Variants in MECOM observed in about 807,000 individuals in gnomAD.
The protein encoded by MECOM is MDS1 and EVI1 complex locus, also known as histone-lysine N-methyltransferase MECOM.
A neutral mutation model predicts 116.3 loss-of-function variants in MECOM; 13 were observed. The observed-to-expected ratio is 0.11, with a 90% CI of 0.07 to 0.18. MECOM has a LOEUF of 0.18. Ranked by LOEUF, MECOM falls within the 10% of genes least tolerant of loss-of-function variation. The pLI is 1.00. For missense variants in MECOM, 1,299 were observed against 1,509.0 expected (o/e 0.86, Z 2.31); for synonymous variants, 528 against 535.2 (o/e 0.99, Z 0.19).
At chr3:169,596,399 A>T (rs1767146643) in intron 1 of MECOM, among the ~76,000 whole-genome samples, 1 of 152,230 alleles carries the variant, frequency 6.6e-6, no homozygotes, top group South Asian at 2.1e-4. Context: ...GAGGGCTGAA[A>T]GTACATTATT....
intron 2 of MECOM, among the ~76,000 whole-genome samples, chr3:169,195,211 T>C (rs187451029): frequency 6.6e-6 from 1 of 152,204 alleles, no homozygotes; most frequent in East Asian, 1.9e-4. Context: ...TGTTCCATTA[T>C]AATTAAACAA....
intron 1 of MECOM, among the ~76,000 whole-genome samples, chr3:169,470,472 G>A (rs1156259120): frequency 6.6e-6 from 1 of 152,190 alleles, no homozygotes; most frequent in Non-Finnish European, 1.5e-5. Flanking sequence ...TCCTTTAGGA[G>A]CCCTGTCCTT....
At chr3:169,203,473 A>G (rs1749474834) in intron 2 of MECOM, among the ~76,000 whole-genome samples, 1 of 152,180 alleles carries the variant, frequency 6.6e-6, no homozygotes, top group African/African-American at 2.4e-5. Context: ...TATTGATCCA[A>G]TTAATTTACT....
At chr3:169,092,452 T>C (rs1720038082) in intron 14 of MECOM, among the ~76,000 whole-genome samples, 1 of 151,938 alleles carries the variant, frequency 6.6e-6, no homozygotes, top group Admixed American at 6.6e-5. Flanking sequence ...ATATATGTAT[T>C]TATGTATAAT....
intron 2 of MECOM, among the ~76,000 whole-genome samples, chr3:169,170,538 CT>C (rs763789825): frequency 5.9e-5 from 9 of 151,886 alleles, no homozygotes; most frequent in Non-Finnish European, 1.3e-4. Context: ...TGTATATACA[CT>C]TTCGTGGATG....
At chr3:169,509,975 A>G (rs551222869) in intron 1 of MECOM, among the ~76,000 whole-genome samples, 1 of 152,376 alleles carries the variant, frequency 6.6e-6, no homozygotes, top group African/African-American at 2.4e-5. Flanking sequence ...GCTCAAACAA[A>G]TGTCCTCTGA....
At chr3:169,119,874 G>A (rs775343258) in intron 7 of MECOM, among the ~76,000 whole-genome samples, 22 of 151,980 alleles carry the variant, frequency 1.4e-4, no homozygotes, top group Non-Finnish European at 2.5e-4. Context: ...CTCTTCACCC[G>A]GGGAACAGAA....
intron 10 of MECOM, among the ~76,000 whole-genome samples, chr3:169,105,816 C>T (rs142313181): frequency 1.7e-3 from 263 of 152,196 alleles, no homozygotes; most frequent in African/African-American, 5.9e-3. Flanking sequence ...TTTATACTGA[C>T]GCAAACTAAT....
intron 8 of MECOM, among the ~76,000 whole-genome samples, chr3:169,114,124 A>G (rs1728337843): frequency 6.6e-6 from 1 of 152,196 alleles, no homozygotes; most frequent in South Asian, 2.1e-4. Flanking sequence ...GAGACACATC[A>G]TTGAGTTGGA....
At chr3:169,318,510 T>C (rs1203379962) in intron 2 of MECOM, among the ~76,000 whole-genome samples, 2 of 152,120 alleles carry the variant, frequency 1.3e-5, no homozygotes, top group Non-Finnish European at 2.9e-5. Context: ...AACAAATATA[T>C]TAAAAGAAGC....
At chr3:169,317,670 T>C (rs1720003423) in intron 2 of MECOM, among the ~76,000 whole-genome samples, 2 of 152,198 alleles carry the variant, frequency 1.3e-5, no homozygotes, top group Non-Finnish European at 2.9e-5. Context: ...CTGTCACCAC[T>C]CCTAGGACAG....
intron 1 of MECOM, among the ~76,000 whole-genome samples, chr3:169,485,387 T>C (rs1277977637): frequency 2.0e-5 from 3 of 152,190 alleles, no homozygotes; most frequent in Non-Finnish European, 2.9e-5. Context: ...AATCACTTTG[T>C]AGTCAACAAA....
intron 1 of MECOM, among the ~76,000 whole-genome samples, chr3:169,531,186 C>A (rs954702440): frequency 2.0e-5 from 3 of 152,208 alleles, no homozygotes; most frequent in African/African-American, 7.2e-5. Flanking sequence ...TGATCATACA[C>A]AATACCAAAC....
At chr3:169,367,325 A>G (rs1247468564) in intron 2 of MECOM, among the ~76,000 whole-genome samples, 1 of 148,234 alleles carries the variant, frequency 6.7e-6, no homozygotes, top group African/African-American at 2.6e-5. Flanking sequence ...TGATGTTTCT[A>G]GAAAAGATGT....
intron 2 of MECOM, among the ~76,000 whole-genome samples, chr3:169,372,339 G>T (rs1730282483): frequency 6.6e-6 from 1 of 152,010 alleles, no homozygotes; most frequent in Non-Finnish European, 1.5e-5. Flanking sequence ...ATAAAGATCA[G>T]CAAAGAAAAT....
At chr3:169,216,577 T>TAA (rs527868465) in intron 2 of MECOM, among the ~76,000 whole-genome samples, 59 of 133,854 alleles carry the variant, frequency 4.4e-4, no homozygotes, top group Non-Finnish European at 6.7e-4. Flanking sequence ...CCTTCTCTAG[T>TAA]AAAAAAAAAA....
intron 2 of MECOM, among the ~76,000 whole-genome samples, chr3:169,315,899 A>G (rs1356760897): frequency 1.3e-5 from 2 of 152,214 alleles, no homozygotes; most frequent in Admixed American, 6.5e-5. Flanking sequence ...GCCCCATAAC[A>G]TAAAAAAAAT....
At chr3:169,139,785 C>T (rs1737538022) in intron 3 of MECOM, among the ~76,000 whole-genome samples, 1 of 151,720 alleles carries the variant, frequency 6.6e-6, no homozygotes, top group Non-Finnish European at 1.5e-5. Context: ...CTGATCCAGG[C>T]GAAGGGTATA....
At chr3:169,238,983 A>C (rs890771137) in intron 2 of MECOM, among the ~76,000 whole-genome samples, 2 of 152,142 alleles carry the variant, frequency 1.3e-5, no homozygotes, top group African/African-American at 4.8e-5. Context: ...TCTTCATCAT[A>C]ATGAGAATCG....
Sources: gnomAD v4.1 joint callset for allele counts (sites outside exome capture counted in the v4.1 genomes callset) on GRCh38, gnomAD v4.1.1 for gene constraint, MANE v1.5 for transcripts, NCBI Gene and HGNC (gene_info 2026-07-23, HGNC 2026-07-21) for gene names.